The following ST7 variants were observed in gnomAD, a reference collection of about 807,000 sequenced individuals.
ST7 encodes the protein suppressor of tumorigenicity 7 protein.
Under a neutral mutation model 78.7 loss-of-function variants are expected in ST7, and 28 were observed. The observed-to-expected ratio is 0.36, with a 90% CI of 0.26 to 0.49. The LOEUF is 0.49. ST7 is among the 20% of genes least tolerant of loss of function. The probability of loss-of-function intolerance (pLI) is 0.99; values close to 1 mark genes in which losing one functional copy is unlikely to be tolerated. For missense variants in ST7, 418 were observed against 696.0 expected (o/e 0.60, Z 4.49); for synonymous variants, 247 against 249.6 (o/e 0.99, Z 0.10).
At chr7:116,983,758 C>T (rs530434418) in intron 1 of ST7, among the ~76,000 whole-genome samples, 4 of 152,228 alleles carry the variant, frequency 2.6e-5, no homozygotes, top group Admixed American at 2.0e-4. Context: ...CCACCTATGA[C>T]TTTAGAACTA....
chr7:117,169,577 G>A (rs937811624), intron 9 of ST7, among the ~76,000 whole-genome samples: 1 of 152,004 alleles, frequency 6.6e-6, no homozygotes, highest in Non-Finnish European at 1.5e-5. Context: ...TGTGGAACCC[G>A]TGGACCATTC....
intron 1 of ST7, among the ~76,000 whole-genome samples, chr7:117,024,356 A>G (rs189915584): frequency 9.9e-5 from 15 of 152,280 alleles, no homozygotes; most frequent in Non-Finnish European, 7.4e-5. Flanking sequence ...ATGATGAATT[A>G]TTTAATTAGC....
Position 117,023,217 on chromosome 7 carries a change from T to A in ST7, c.151+69526T>A, listed in dbSNP as rs1383783828. ...TATAATACATTCTGTCTTACTGAAA[T>A]AATATTGTTTTAAATACTTGCACCC... On this transcript the variant is annotated intron_variant, in intron 1 of 15. Transcript: ENST00000323984. Among the ~76,000 whole-genome samples the A allele has an allele frequency of 3.9e-5, 6 of 152,100 alleles. No individual in the cohort carries two copies. The East Asian group carries it at 1.2e-3, about 29-fold the overall frequency.
At chr7:116,981,591 C>A (rs1245449847) in intron 1 of ST7, among the ~76,000 whole-genome samples, 1 of 152,150 alleles carries the variant, frequency 6.6e-6, no homozygotes, top group Admixed American at 6.5e-5. Context: ...ATATTCTATT[C>A]TCTTTTGTAG....
chr7:117,163,786 T>C (rs1401634902), intron 9 of ST7, among the ~76,000 whole-genome samples: 2 of 152,138 alleles, frequency 1.3e-5, no homozygotes, highest in African/African-American at 4.8e-5. Context: ...AAGTTTTATT[T>C]ATAAATAGGA....
At chr7:117,101,890 C>T (rs987725049) in intron 2 of ST7, among the ~76,000 whole-genome samples, 3 of 152,128 alleles carry the variant, frequency 2.0e-5, no homozygotes, top group African/African-American at 7.2e-5. Flanking sequence ...AAGACCAACC[C>T]AAGTTGAGGT....
chr7:117,012,293 T>TG (rs1470518385), intron 1 of ST7, among the ~76,000 whole-genome samples: 1 of 151,838 alleles, frequency 6.6e-6, no homozygotes, highest in Non-Finnish European at 1.5e-5. Context: ...ATTTTTTTTT[T>TG]TTTTTTGGCT....
chr7:116,992,109 T>C (rs1011309897), intron 1 of ST7, among the ~76,000 whole-genome samples: 1 of 152,076 alleles, frequency 6.6e-6, no homozygotes, highest in African/African-American at 2.4e-5. Flanking sequence ...TGGTGTTGAG[T>C]GTCTGTGGCT....
At chr7:117,192,230 T>G (rs1486574490) in intron 12 of ST7, among the ~76,000 whole-genome samples, 2 of 152,234 alleles carry the variant, frequency 1.3e-5, no homozygotes, top group Non-Finnish European at 2.9e-5. Flanking sequence ...TGAATTACAG[T>G]AAACTGAGGT....
chr7:117,197,927 C>CA (rs1028116043), intron 12 of ST7, among the ~76,000 whole-genome samples: 1 of 151,976 alleles, frequency 6.6e-6, no homozygotes, highest in African/African-American at 2.4e-5. Flanking sequence ...CACAAACAAA[C>CA]AAAAAAATTA....
intron 1 of ST7, among the ~76,000 whole-genome samples, chr7:117,023,924 C>G (rs1257097580): frequency 1.3e-5 from 2 of 152,066 alleles, no homozygotes; most frequent in African/African-American, 4.8e-5. Flanking sequence ...ATTTTCCTGC[C>G]TCAGCCTCCC....
chr7:116,957,059 A>C (rs900640993), intron 1 of ST7: 1 of 172,730 alleles, frequency 5.8e-6, no homozygotes, highest in Non-Finnish European at 1.2e-5. Flanking sequence ...ACTTTGATGA[A>C]CAACCATACC....
intron 15 of ST7, among the ~76,000 whole-genome samples, chr7:117,228,798 G>C (rs1182457979): frequency 6.6e-6 from 1 of 152,156 alleles, no homozygotes; most frequent in Non-Finnish European, 1.5e-5. Context: ...TGGTAGTGTA[G>C]ATGGTGCTGT....
At chr7:117,134,574 A>G (rs1804628090) in intron 7 of ST7, among the ~76,000 whole-genome samples, 1 of 152,056 alleles carries the variant, frequency 6.6e-6, no homozygotes, top group African/African-American at 2.4e-5. Context: ...TCCCAGCCCA[A>G]CAACTACAAT....
intron 1 of ST7, among the ~76,000 whole-genome samples, chr7:117,049,082 TA>T (rs778624252): frequency 1.9e-4 from 29 of 152,328 alleles, no homozygotes; most frequent in Non-Finnish European, 3.7e-4. Flanking sequence ...GTTGTAAAGT[TA>T]AAAAACTGGC....
intron 9 of ST7, among the ~76,000 whole-genome samples, chr7:117,138,758 A>G (rs749210525): frequency 2.6e-5 from 4 of 152,298 alleles, no homozygotes; most frequent in African/African-American, 9.6e-5. Flanking sequence ...GGGAACAACA[A>G]TAACAGTCCT....
chr7:117,130,093 T>A (rs1241825878), intron 4 of ST7, among the ~76,000 whole-genome samples: 1 of 151,942 alleles, frequency 6.6e-6, no homozygotes, highest in Non-Finnish European at 1.5e-5. Flanking sequence ...TTTCAATATA[T>A]ACTATACATT....
intron 1 of ST7, among the ~76,000 whole-genome samples, chr7:117,056,929 C>T (rs1316967399): frequency 2.0e-5 from 3 of 152,072 alleles, no homozygotes; most frequent in Admixed American, 6.6e-5. Context: ...ATAAGAGATT[C>T]CTTTACATCA....
rs1206917914 is a variant in ST7 at position 117,031,887 on chromosome 7, T to A, written c.152-67875T>A. Among the ~76,000 whole-genome samples, 1,053 of 135,696 alleles carry A rather than the reference T, an allele frequency of 7.8e-3. 47 individuals are homozygous for A. Among genetic ancestry groups the A allele is most frequent in the African/African-American group, 0.021 (810 of 37,910 alleles). The allele number at this position is 135,696 out of a possible 152,430, so 89.0% of individuals were successfully genotyped here. On this transcript the variant is annotated intron_variant, in intron 1 of 15. Transcript: ENST00000323984. ...CTATCTATCTATATATATATATTTTTTTTTTTTTTTTGGCAATGGAGTCTT... is the reference window on the plus strand; with the variant it reads ...CTATCTATCTATATATATATATTTTATTTTTTTTTTTGGCAATGGAGTCTT...
Sources: gnomAD v4.1 joint callset for allele counts (sites outside exome capture counted in the v4.1 genomes callset) on GRCh38, gnomAD v4.1.1 for gene constraint, MANE v1.5 for transcripts, NCBI Gene and HGNC (gene_info 2026-07-23, HGNC 2026-07-21) for gene names.